The following RGL1 variants were observed in gnomAD, a reference collection of about 807,000 sequenced individuals.
The protein encoded by RGL1 is ral guanine nucleotide dissociation stimulator-like 1.
RGL1 carries 24 observed loss-of-function variants against 95.2 expected under a neutral mutation model. The ratio of observed to expected loss-of-function variants is 0.25; its 90% CI spans 0.18 to 0.35. The LOEUF is 0.35. RGL1 is among the 10% of genes least tolerant of loss of function. The pLI is 1.00. For synonymous variants in RGL1, 329 were observed against 344.9 expected, an observed-to-expected ratio of 0.95 and a Z score of 0.51; for missense variants, 715 against 936.3, an observed-to-expected ratio of 0.76 and a Z score of 3.08.
At chr1:183,688,705 A>G (rs1653766458) in intron 1 of RGL1, among the ~76,000 whole-genome samples, 1 of 152,198 alleles carries the variant, frequency 6.6e-6, no homozygotes, top group African/African-American at 2.4e-5. Context: ...AGTATTATGC[A>G]TGTATTTAAA....
In RGL1 at chr1:183,842,692, GT is replaced by G. The variant is rs1199478473; in HGVS notation, c.139-4871del. Among the ~76,000 whole-genome samples the G allele has an allele frequency of 7.2e-5, 11 of 152,200 alleles. 1 individual carries two copies. Among genetic ancestry groups the G allele is most frequent in the African/African-American group, 1.9e-4 (8 of 41,448 alleles). On this transcript the variant is annotated intron_variant, in intron 2 of 17. Coordinates refer to ENST00000360851, the MANE Select transcript of RGL1 (RefSeq NM_001297671.3). The stretch of plus-strand genomic sequence containing the variant: ...TCTATGATTAAATCCAGATTGAGCT[GT>G]TTCCTGTTAGCGTGCTAACCCACAG...
chr1:183,813,086 G>A (rs1330246885), intron 2 of RGL1, among the ~76,000 whole-genome samples: 3 of 152,168 alleles, frequency 2.0e-5, no homozygotes, highest in Non-Finnish European at 2.9e-5. Context: ...CTGGAGCATG[G>A]GGACCCAGGA....
At chr1:183,722,287 GA>G (rs1656055193) in intron 1 of RGL1, among the ~76,000 whole-genome samples, 1 of 150,336 alleles carries the variant, frequency 6.7e-6, no homozygotes, top group Non-Finnish European at 1.5e-5. Context: ...TATCCAAAAT[GA>G]AGCTTACACA....
At chr1:183,825,435 A>G (rs2102470091) in intron 2 of RGL1, among the ~76,000 whole-genome samples, 1 of 152,340 alleles carries the variant, frequency 6.6e-6, no homozygotes, top group South Asian at 2.1e-4. Flanking sequence ...GGGAGGTAGC[A>G]GCAGTAACAG....
At chr1:183,794,631 A>T (rs1558210875) in intron 2 of RGL1, among the ~76,000 whole-genome samples, 1 of 152,220 alleles carries the variant, frequency 6.6e-6, no homozygotes, top group Non-Finnish European at 1.5e-5. Context: ...CCAACTGGCT[A>T]CTTTATTCCC....
intron 1 of RGL1, among the ~76,000 whole-genome samples, chr1:183,641,202 T>C (rs922942489): frequency 1.3e-5 from 2 of 152,182 alleles, no homozygotes; most frequent in African/African-American, 4.8e-5. Flanking sequence ...TGGTATGATC[T>C]TGGCTTACTG....
At chr1:183,761,963 C>T (rs1401953456) in intron 2 of RGL1, among the ~76,000 whole-genome samples, 1 of 152,206 alleles carries the variant, frequency 6.6e-6, no homozygotes, top group Non-Finnish European at 1.5e-5. Context: ...AGCTTCTTCA[C>T]CTCTCACAGC....
rs1185655217 is a variant in RGL1, at chr1:183,724,323, C to A, written c.-32-17803C>A. 6.6e-6 allele frequency among the ~76,000 whole-genome samples: 1 copy of A among 152,138 alleles called. No homozygotes were observed. The highest frequency in any genetic ancestry group is 1.5e-5 in the Non-Finnish European group (1 of 68,030). ...AGACTTCATCTTGCAGCTTAGGTAC[C>A]AGCTCAGCCACAGCAGGGTAGAGCA... On this transcript the variant is annotated intron_variant, in intron 1 of 18. Coordinates refer to the RGL1 transcript ENST00000304685. This position sits in a 1 kb window ranked among gnomAD's most constrained non-coding sequence, Gnocchi z 4.1.
intron 1 of RGL1, among the ~76,000 whole-genome samples, chr1:183,715,787 G>A (rs1655589568): frequency 6.6e-6 from 1 of 151,990 alleles, no homozygotes; most frequent in African/African-American, 2.4e-5. Context: ...GGGAGGGAAC[G>A]ATGGAGAAAG....
At chr1:183,708,623 C>G (rs778664857) in intron 1 of RGL1, among the ~76,000 whole-genome samples, 2 of 152,230 alleles carry the variant, frequency 1.3e-5, no homozygotes, top group Non-Finnish European at 2.9e-5. Context: ...AGAGGCATCC[C>G]CCTAAGACCA....
chr1:183,683,593 TA>T (rs1653369765), intron 1 of RGL1, among the ~76,000 whole-genome samples: 1 of 152,228 alleles, frequency 6.6e-6, no homozygotes, highest in African/African-American at 2.4e-5. Context: ...TGGTTGCCCT[TA>T]AAAATTTTTC....
At chr1:183,826,977 C>G (rs1276146962) in intron 2 of RGL1, among the ~76,000 whole-genome samples, 1 of 151,950 alleles carries the variant, frequency 6.6e-6, no homozygotes, top group Non-Finnish European at 1.5e-5. Context: ...GGCTGGAGTA[C>G]AGTGGCATGA....
chr1:183,767,822 G>A (rs1334374179), intron 2 of RGL1, among the ~76,000 whole-genome samples: 1 of 151,976 alleles, frequency 6.6e-6, no homozygotes, highest in Non-Finnish European at 1.5e-5. Flanking sequence ...GTGTGGTGGT[G>A]TACACCTGGA....
chr1:183,661,184 A>G (rs1315249181), intron 1 of RGL1, among the ~76,000 whole-genome samples: 1 of 152,234 alleles, frequency 6.6e-6, no homozygotes, highest in Admixed American at 6.5e-5. Context: ...AAAAGCTAGC[A>G]GAAGGCAAGA....
intron 1 of RGL1, among the ~76,000 whole-genome samples, chr1:183,695,805 G>T (rs1654217191): frequency 6.6e-6 from 1 of 151,916 alleles, no homozygotes; most frequent in African/African-American, 2.4e-5. Flanking sequence ...ACAAGTATTT[G>T]AAATCTAGAT....
chr1:183,649,795 T>C (rs1367219322), intron 1 of RGL1, among the ~76,000 whole-genome samples: 2 of 152,212 alleles, frequency 1.3e-5, no homozygotes, highest in Admixed American at 6.5e-5. Context: ...TCGTTGTTCC[T>C]ATAATGCTCT....
intron 16 of RGL1, among the ~76,000 whole-genome samples, chr1:183,919,273 G>T (rs987346228): frequency 6.6e-6 from 1 of 152,190 alleles, no homozygotes; most frequent in Non-Finnish European, 1.5e-5. Context: ...ATGTGAGTGA[G>T]ACTGGCTTTG....
At chr1:183,876,335 A>G (rs1666495173) in intron 4 of RGL1, among the ~76,000 whole-genome samples, 1 of 152,270 alleles carries the variant, frequency 6.6e-6, no homozygotes, top group Non-Finnish European at 1.5e-5. Context: ...AGACGATTGC[A>G]GTCGGTTGGA....
At chr1:183,677,049 G>A (rs545509514) in intron 1 of RGL1, among the ~76,000 whole-genome samples, 1 of 151,706 alleles carries the variant, frequency 6.6e-6, no homozygotes, top group South Asian at 2.1e-4. Context: ...TTCAGCATGT[G>A]TATAAATAGT....
Sources: allele counts gnomAD v4.1 joint callset (sites outside exome capture counted in the v4.1 genomes callset), GRCh38; gene constraint gnomAD v4.1.1; non-coding constraint Gnocchi (gnomAD v3.1); transcripts MANE v1.5; gene names NCBI Gene and HGNC (gene_info 2026-07-23, HGNC 2026-07-21).